The following SCN3A variants were observed in gnomAD, a reference collection of about 807,000 sequenced individuals.
SCN3A encodes the protein sodium voltage-gated channel alpha subunit 3, also known as sodium channel protein type 3 subunit alpha.
A neutral mutation model predicts 187.6 loss-of-function variants in SCN3A; 60 were observed. The ratio of observed to expected loss-of-function variants is 0.32; its 90% CI spans 0.26 to 0.40. The LOEUF is 0.40. Among genes scored for constraint, SCN3A ranks in the 10% least tolerant of loss-of-function variants. The probability of loss-of-function intolerance (pLI) is 1.00; values close to 1 mark genes in which losing one functional copy is unlikely to be tolerated. For synonymous variants in SCN3A, 788 were observed against 829.2 expected (o/e 0.95, Z 0.85); for missense variants, 1,601 against 2,428.2 (o/e 0.66, Z 7.16).
At chr2:165,178,788 T>C (rs1454264347) in intron 2 of SCN3A, among the ~76,000 whole-genome samples, 3 of 152,200 alleles carry the variant, frequency 2.0e-5, no homozygotes, top group African/African-American at 4.8e-5. Context: ...AATTCTGTTT[T>C]ACTCAAAAGT....
chr2:165,105,185 T>C (rs998740668), intron 21 of SCN3A, among the ~76,000 whole-genome samples: 4 of 152,142 alleles, frequency 2.6e-5, no homozygotes, highest in African/African-American at 9.7e-5. Context: ...CACCCAACGC[T>C]CTCCAACCCT....
chr2:165,128,170 G>T lies in SCN3A; in HGVS notation c.2923-69C>A, dbSNP rs868197327. On this transcript the variant is annotated intron_variant, in intron 17 of 27. Transcript: ENST00000283254. ...GCATTTAAATAACAGCCTAAAAAGG[G>T]AACTCATAGATCTTTGCTAAAATTA... 4.2e-6 allele frequency: 5 copies of T among 1,190,218 alleles called. No homozygotes were observed. The Admixed American group carries it at 7.4e-5, about 18-fold the overall frequency. The allele number at this position is 1,190,218 out of a possible 1,614,324, so 73.7% of individuals were successfully genotyped here.
chr2:165,174,271 T>C (rs1440672717), intron 3 of SCN3A, among the ~76,000 whole-genome samples: 5 of 152,154 alleles, frequency 3.3e-5, no homozygotes, highest in Non-Finnish European at 7.3e-5. Context: ...ATTGTAGTGA[T>C]GTAATGAGCA....
chr2:165,168,221 T>C (rs1689892699), intron 5 of SCN3A, among the ~76,000 whole-genome samples: 1 of 152,064 alleles, frequency 6.6e-6, no homozygotes, highest in Non-Finnish European at 1.5e-5. Context: ...TTTATTTCTT[T>C]TACAGAACAC....
At chr2:165,171,322 A>G (rs1690089295) in intron 3 of SCN3A, among the ~76,000 whole-genome samples, 1 of 151,974 alleles carries the variant, frequency 6.6e-6, no homozygotes, top group African/African-American at 2.4e-5. Context: ...GACTCTGAAT[A>G]TGAATGTCAT....
At chr2:165,171,118 A>G (rs1690076732) in intron 3 of SCN3A, among the ~76,000 whole-genome samples, 1 of 152,046 alleles carries the variant, frequency 6.6e-6, no homozygotes, top group African/African-American at 2.4e-5. Context: ...ACACCATTTC[A>G]AAGGGCATTC....
intron 1 of SCN3A, among the ~76,000 whole-genome samples, chr2:165,200,267 A>G (rs1443386799): frequency 6.6e-6 from 1 of 152,136 alleles, no homozygotes; most frequent in Admixed American, 6.6e-5. Context: ...TAAAACAACC[A>G]TTAATATTAA....
At chr2:165,100,014 A>G (rs1685533071) in intron 22 of SCN3A, among the ~76,000 whole-genome samples, 1 of 152,218 alleles carries the variant, frequency 6.6e-6, no homozygotes, top group African/African-American at 2.4e-5. Context: ...GGTGTAAGCA[A>G]TGAAAAGAAA....
chr2:165,131,122 T>G, intron 16 of SCN3A, 122 bp downstream of exon 16: 2 of 522,672 alleles, frequency 3.8e-6, no homozygotes, highest in South Asian at 1.4e-4. Context: ...ACATGTTTTC[T>G]TAGAATGTCA....
chr2:165,146,233 G>A (rs1033358776), intron 12 of SCN3A, among the ~76,000 whole-genome samples: 18 of 152,008 alleles, frequency 1.2e-4, no homozygotes, highest in East Asian at 3.9e-4. Context: ...AAATTTATAT[G>A]TATGTTACGA....
intron 1 of SCN3A, among the ~76,000 whole-genome samples, chr2:165,189,828 C>G (rs1303181367): frequency 6.6e-6 from 1 of 152,144 alleles, no homozygotes; most frequent in African/African-American, 2.4e-5. Flanking sequence ...CTCTTTATCT[C>G]TGGCCATGGA....
intron 9 of SCN3A, among the ~76,000 whole-genome samples, chr2:165,156,543 A>AAAAAAAAAAAAAAAAAAAAAC (rs1689056895): frequency 7.3e-6 from 1 of 137,620 alleles, no homozygotes; most frequent in Admixed American, 7.7e-5. Context: ...AAAAAAAAAA[A>AAAAAAAAAAAAAAAAAAAAAC]AAAAAAAAAA....
Position 165,127,315 on chromosome 2 carries a change from C to G in SCN3A, c.3393+316G>C, listed in dbSNP as rs183145482. ...GGGCTCAAGTGATCTGCCTCCTTGG[C>G]CTCCCAAAGTGCTGGGATTACAGGC... On this transcript the variant is annotated intron_variant, in intron 18 of 27. Transcript: ENST00000283254. Among the ~76,000 whole-genome samples, 34 of 152,222 alleles carry G rather than the reference C, an allele frequency of 2.2e-4. No homozygotes were observed. In the East Asian group the frequency reaches 6.2e-3, roughly 28 times the overall value.
chr2:165,196,623 A>G (rs10084349), intron 1 of SCN3A, among the ~76,000 whole-genome samples: 57 of 152,232 alleles, frequency 3.7e-4, no homozygotes, highest in African/African-American at 1.3e-3. Context: ...AAGCTGACTC[A>G]TCTTAGGAAT....
chr2:165,134,040 G>A (rs918560112), intron 15 of SCN3A, among the ~76,000 whole-genome samples: 2 of 152,042 alleles, frequency 1.3e-5, no homozygotes, highest in African/African-American at 4.8e-5. Flanking sequence ...ATGATCTCTG[G>A]ATGTATGCCT....
At chr2:165,133,016 A>C (rs1687440704) in intron 15 of SCN3A, among the ~76,000 whole-genome samples, 1 of 152,212 alleles carries the variant, frequency 6.6e-6, no homozygotes, top group Non-Finnish European at 1.5e-5. Flanking sequence ...ATGCAGCCAA[A>C]AAACACATGA....
chr2:165,122,239 C>CTTT (rs1286913407), intron 18 of SCN3A, among the ~76,000 whole-genome samples: 3 of 128,912 alleles, frequency 2.3e-5, no homozygotes, highest in East Asian at 2.2e-4. Flanking sequence ...TCTTTTTTTT[C>CTTT]TTTTTTTTTT....
chr2:165,112,181 G>A (rs968480853), intron 21 of SCN3A, among the ~76,000 whole-genome samples: 7 of 152,158 alleles, frequency 4.6e-5, no homozygotes, highest in African/African-American at 1.7e-4. Flanking sequence ...GGACTGTCAT[G>A]TTGTCCCAGT....
At chr2:165,182,548 G>A (rs1690947013) in intron 2 of SCN3A, among the ~76,000 whole-genome samples, 1 of 152,158 alleles carries the variant, frequency 6.6e-6, no homozygotes, top group African/African-American at 2.4e-5. Flanking sequence ...TAATGCACAA[G>A]TATAGGAGAG....
Sources: allele counts gnomAD v4.1 joint callset (sites outside exome capture counted in the v4.1 genomes callset), GRCh38; gene constraint gnomAD v4.1.1; transcripts MANE v1.5; gene names NCBI Gene and HGNC (gene_info 2026-07-23, HGNC 2026-07-21).